FAS: variants seen among roughly 807,000 people sequenced by gnomAD.
FAS encodes Fas cell surface death receptor.
In FAS, 5 loss-of-function variants were observed where a neutral mutation model predicts 33.2. The ratio of observed to expected loss-of-function variants is 0.15; its 90% CI spans 0.08 to 0.32. FAS has a LOEUF of 0.32. Among genes scored for constraint, FAS ranks in the 10% least tolerant of loss-of-function variants. The probability of loss-of-function intolerance (pLI) is 1.00; values close to 1 mark genes in which losing one functional copy is unlikely to be tolerated. For missense variants in FAS, 339 were observed against 386.0 expected, an observed-to-expected ratio of 0.88 and a Z score of 1.02; for synonymous variants, 131 against 130.7, an observed-to-expected ratio of 1.00 and a Z score of -0.01.
At chr10:88,995,393 T>G (rs780560374) in intron 1 of FAS, among the ~76,000 whole-genome samples, 13 of 152,222 alleles carry the variant, frequency 8.5e-5, no homozygotes, top group Non-Finnish European at 1.5e-4. Context: ...TGATCACAAC[T>G]GCTTTCTTGA....
chr10:88,973,227 A>C (rs767612117), exon 2 of FAS: 1 of 1,612,502 alleles, frequency 6.2e-7, no homozygotes, highest in Non-Finnish European at 8.5e-7. Context: ...TGCTTTGGAG[A>C]TGGAGCCCCT....
At chr10:89,002,671 C>T (rs1032863320) in intron 1 of FAS, 22 of 318,388 alleles carry the variant, frequency 6.9e-5, no homozygotes, top group African/African-American at 3.9e-4. Context: ...ATTTTCACAA[C>T]AAGCCTGTGA....
chr10:89,006,655 AT>A lies in FAS; in HGVS notation c.197-1038del, dbSNP rs549415132. Among the ~76,000 whole-genome samples, 383 of 152,148 alleles carry A rather than the reference AT, an allele frequency of 2.5e-3. 4 individuals carry two copies. The South Asian group carries it at 0.029, about 12-fold the overall frequency. ...ACCTTCATCTAGCTTTCCCCATAGCATTTTTTTAGCACTTGATATCAATATA... is the reference window on the plus strand; with the variant it reads ...ACCTTCATCTAGCTTTCCCCATAGCATTTTTTAGCACTTGATATCAATATA... On this transcript the variant is annotated intron_variant, in intron 2 of 8. Coordinates refer to ENST00000652046, the MANE Select transcript of FAS (RefSeq NM_000043.6).
intron 4 of FAS, among the ~76,000 whole-genome samples, chr10:89,010,225 G>T (rs545335214): frequency 6.6e-6 from 1 of 152,096 alleles, no homozygotes; most frequent in Non-Finnish European, 1.5e-5. Flanking sequence ...TAGGATTTAC[G>T]TGTTCAGTTT....
In FAS at chr10:89,007,861, A is replaced by G. The variant is rs766940746; in HGVS notation, c.334+24A>G. 21 of 1,613,534 alleles carry G rather than the reference A, an allele frequency of 1.3e-5. 1 individual carries two copies. In the South Asian group the frequency reaches 2.3e-4, roughly 18 times the overall value. On this transcript the variant is annotated intron_variant, in intron 3 of 8. Coordinates refer to ENST00000652046, the MANE Select transcript of FAS (RefSeq NM_000043.6). ...TGGTAAGAGTCTTAAAATGCAATTG[A>G]AAGAGGCCAATCTTGGAATTTCATG...
chr10:89,015,420 C>A lies in FAS; in HGVS notation c.*970C>A, dbSNP rs1247348914. 4 of 529,554 alleles carry A rather than the reference C, an allele frequency of 7.6e-6. No individual in the cohort carries two copies. The highest frequency in any genetic ancestry group is 1.5e-5 in the Non-Finnish European group (4 of 273,536). 32.8% of individuals were successfully genotyped at this position (529,554 alleles called of 1,614,324 possible). ...TGATAAAATAGATTCTTATTTTTCC[C>A]CCACCCCCGAAAATGTTCAATAATG... On this transcript the variant is annotated 3_prime_UTR_variant, in exon 9 of 9. Coordinates refer to ENST00000652046, the MANE Select transcript of FAS (RefSeq NM_000043.6).
chr10:89,010,715 T>C (rs1195536628), intron 5 of FAS, 38 bp from the exon 6 acceptor site: 2 of 1,612,844 alleles, frequency 1.2e-6, no homozygotes, highest in African/African-American at 2.7e-5. Flanking sequence ...TAAAGATTGC[T>C]TATTTTCATA....
intron 2 of FAS, among the ~76,000 whole-genome samples, chr10:89,004,350 A>T (rs1184573803): frequency 6.6e-6 from 1 of 152,172 alleles, no homozygotes; most frequent in Non-Finnish European, 1.5e-5. Flanking sequence ...ATTTGAAAAA[A>T]AATTTTTTTT....
At chr10:89,005,383 T>A (rs1848167208) in intron 2 of FAS, among the ~76,000 whole-genome samples, 1 of 152,152 alleles carries the variant, frequency 6.6e-6, no homozygotes, top group Admixed American at 6.5e-5. Context: ...ACAGTATTTT[T>A]AAGTGATTTC....
intron 1 of FAS, among the ~76,000 whole-genome samples, chr10:88,966,592 A>C (rs900540655): frequency 1.3e-5 from 2 of 152,218 alleles, no homozygotes; most frequent in Non-Finnish European, 2.9e-5. Context: ...ATAGTTTCAC[A>C]AAAGGAAAGC....
At chr10:88,977,531 T>C (rs1394671504) in intron 2 of FAS, among the ~76,000 whole-genome samples, 4 of 152,002 alleles carry the variant, frequency 2.6e-5, no homozygotes, top group Non-Finnish European at 4.4e-5. Context: ...GAATCTACAA[T>C]GAACTCAAAC....
intron 7 of FAS, 105 bp downstream of exon 7, chr10:89,012,186 C>T: frequency 9.8e-7 from 1 of 1,023,478 alleles, no homozygotes; most frequent in Admixed American, 1.9e-5. Context: ...TTGTTTGTTT[C>T]ATTTTGTTTG....
chr10:88,999,065 G>C (rs746930595), intron 1 of FAS, among the ~76,000 whole-genome samples: 1 of 151,658 alleles, frequency 6.6e-6, no homozygotes, highest in Non-Finnish European at 1.5e-5. Context: ...AGGCAGGAGA[G>C]TCACTTGAAC....
In FAS at chr10:88,990,995, T is replaced by TGCGGCG. The variant is rs1847152521; in HGVS notation, c.30+92_30+97dup. On this transcript the variant is annotated intron_variant, in intron 1 of 8. Transcript: ENST00000652046. The surrounding 1 kb of genome is among the most constrained non-coding windows in gnomAD (Gnocchi z 4.9). The stretch of plus-strand genomic sequence containing the variant: ...GGCGGGCGCGGGACGCGTGCGGGAT[T>TGCGGCG]GCGGCGGCAGCGGCGCACGCGGGCA... 1.3e-6 allele frequency: 2 copies of TGCGGCG among 1,588,468 alleles called. No homozygotes were observed. The highest frequency in any genetic ancestry group is 1.7e-6 in the Non-Finnish European group (2 of 1,159,636).
chr10:89,014,309 A>G lies in FAS; in HGVS notation c.867A>G (p.Glu289=), dbSNP rs377337130. The G allele has an allele frequency of 3.1e-6, 5 of 1,613,920 alleles. No individual in the cohort carries two copies. In the African/African-American group the frequency reaches 5.3e-5, roughly 17 times the overall value. Residue 289 remains glutamate (E), a synonymous_variant, in exon 9 of 9, where the codon GAA becomes GAG. Transcript: ENST00000652046. The part of the protein sequence containing the change: ...RNWHQLHGKK[E]AYDTLIKDLK... ...GGCATCAACTTCATGGAAAGAAAGA[A>G]GCGTATGACACATTGATTAAAGATC...
chr10:88,989,041 A>C (rs1847013824), upstream of FAS, among the ~76,000 whole-genome samples: 1 of 152,222 alleles, frequency 6.6e-6, no homozygotes, highest in South Asian at 2.1e-4. Context: ...AGAATATCTA[A>C]GTTTAATTCC....
Position 89,007,727 on chromosome 10 carries a change from T to G in FAS, c.224T>G (p.Val75Gly), listed in dbSNP as rs756003974. The change falls in exon 3 of 9, where the codon GTC (valine) becomes GGC (glycine). Residue 75 changes from valine (V) to glycine (G), a missense_variant. By Grantham distance (109) the Val-to-Gly change is moderately radical (BLOSUM62 -3). This residue lies in a region of FAS where 276 missense variants were observed against 300.1 expected (regional missense o/e 0.92). Transcript: ENST00000652046. ...GAAAGGAAAGCTAGGGACTGCACAG[T>G]CAATGGGGATGAACCAGACTGCGTG... ...PGERKARDCT[V>G]NGDEPDCVPC... 7 of 1,613,988 alleles carry G rather than the reference T, an allele frequency of 4.3e-6. No homozygotes were observed. In the South Asian group the frequency reaches 7.7e-5, roughly 18 times the overall value.
chr10:89,005,870 C>T (rs1430739443), intron 2 of FAS, among the ~76,000 whole-genome samples: 1 of 152,124 alleles, frequency 6.6e-6, no homozygotes, highest in Admixed American at 6.5e-5. Context: ...AACTCCTGAC[C>T]TCAGGTGATC....
intron 2 of FAS, among the ~76,000 whole-genome samples, chr10:88,979,884 A>G (rs1846667534): frequency 2.6e-5 from 4 of 151,424 alleles, no homozygotes; most frequent in Admixed American, 2.6e-4. Context: ...TAAAGCACCT[A>G]CAAAGGCTTT....
Sources: gnomAD v4.1 joint callset for allele counts (sites outside exome capture counted in the v4.1 genomes callset) on GRCh38, gnomAD v4.1.1 for gene constraint, gnomAD v4.1.1 regional missense constraint, Gnocchi (gnomAD v3.1) non-coding constraint, MANE v1.5 for transcripts, NCBI Gene and HGNC (gene_info 2026-07-23, HGNC 2026-07-21) for gene names.